ZDHHC7: variants seen among roughly 807,000 people sequenced by gnomAD.
ZDHHC7 encodes zDHHC palmitoyltransferase 7.
In ZDHHC7, 12 loss-of-function variants were observed where a neutral mutation model predicts 34.1. The ratio of observed to expected loss-of-function variants is 0.35; its 90% confidence interval spans 0.23 to 0.57. The LOEUF (loss-of-function observed/expected upper bound fraction) is 0.57, where lower values mean the gene tolerates loss of function less well. ZDHHC7 is among the 20% of genes least tolerant of loss of function. ZDHHC7 has a pLI of 0.84. For synonymous variants in ZDHHC7, 185 were observed against 155.4 expected, an observed-to-expected ratio of 1.19 and a Z score of -1.42; for missense variants, 388 against 402.7, an observed-to-expected ratio of 0.96 and a Z score of 0.31.
rs200273417 is a variant in ZDHHC7 at position 85,007,713 on chromosome 16, G to A, written c.-104+3573C>T. ...TTTTAGTTAAAAGGGAACTAAGGTT[G>A]AGAGCTCTCCCTGTGGCCTGTGTCT... On this transcript the variant is annotated intron_variant, in intron 1 of 7. Coordinates refer to ENST00000313732, the MANE Select transcript of ZDHHC7 (RefSeq NM_017740.3). Among the ~76,000 whole-genome samples the A allele has an allele frequency of 3.3e-5, 5 of 152,172 alleles. No individual in the cohort carries two copies. The East Asian group carries it at 9.6e-4, about 29-fold the overall frequency.
At chr16:85,027,195 T>C in the ZDHHC7 span, among the ~76,000 whole-genome samples, 1 of 152,262 alleles carries the variant, frequency 6.6e-6, no homozygotes, top group Non-Finnish European at 1.5e-5. Context: ...CTGATTGCTC[T>C]TCCATACCAA....
the ZDHHC7 span, among the ~76,000 whole-genome samples, chr16:85,024,516 C>T: frequency 6.6e-6 from 1 of 152,234 alleles, no homozygotes; most frequent in African/African-American, 2.4e-5. Flanking sequence ...AAGGCGTGAG[C>T]CACGGTGCCC....
upstream of ZDHHC7, among the ~76,000 whole-genome samples, chr16:85,013,673 ATTAAT>A (rs775383238): frequency 6.6e-6 from 1 of 151,484 alleles, no homozygotes; most frequent in Non-Finnish European, 1.5e-5. Context: ...TTTTTCTCTT[ATTAAT>A]TTGTGTTTTT....
upstream of ZDHHC7, among the ~76,000 whole-genome samples, chr16:85,015,160 C>T (rs1362071587): frequency 2.7e-5 from 4 of 150,320 alleles, no homozygotes; most frequent in Non-Finnish European, 5.9e-5. Context: ...AGTGCAATGT[C>T]GCAATCTCAG....
the ZDHHC7 span, among the ~76,000 whole-genome samples, chr16:85,019,059 G>C: frequency 6.6e-6 from 1 of 152,130 alleles, no homozygotes; most frequent in Non-Finnish European, 1.5e-5. Flanking sequence ...GCCTTGTGTG[G>C]GCCACTCACT....
intron 2 of ZDHHC7, among the ~76,000 whole-genome samples, chr16:84,995,551 G>C (rs1205006162): frequency 6.6e-6 from 1 of 152,144 alleles, no homozygotes; most frequent in Non-Finnish European, 1.5e-5. Context: ...ACTTGAACCT[G>C]GGAGACAGAG....
At chr16:85,013,722 ACT>A (rs2072822630), upstream of ZDHHC7, among the ~76,000 whole-genome samples, 1 of 150,276 alleles carries the variant, frequency 6.7e-6, no homozygotes, top group Non-Finnish European at 1.5e-5. Flanking sequence ...AGACTCTCGC[ACT>A]GTTTCCCAGG....
chr16:84,977,325 C>T, intron 6 of ZDHHC7, 100 bp from the exon 7 acceptor site: 2 of 1,451,240 alleles, frequency 1.4e-6, no homozygotes, highest in Non-Finnish European at 1.9e-6. Context: ...CCCTGGCCAG[C>T]TTCCAGGGGG....
chr16:84,983,831 C>T (rs1271509460), intron 3 of ZDHHC7, among the ~76,000 whole-genome samples: 1 of 151,694 alleles, frequency 6.6e-6, no homozygotes, highest in African/African-American at 2.4e-5. Context: ...GAAACCCCAT[C>T]TCTACTAAAA....
upstream of ZDHHC7, among the ~76,000 whole-genome samples, chr16:85,016,043 T>C (rs570211284): frequency 1.4e-3 from 215 of 152,212 alleles, 2 homozygotes; most frequent in African/African-American, 4.9e-3. Flanking sequence ...TTATATATAG[T>C]GAGGCATTTC....
intron 4 of ZDHHC7, among the ~76,000 whole-genome samples, chr16:84,980,817 A>G (rs1300594197): frequency 2.0e-5 from 3 of 152,164 alleles, no homozygotes; most frequent in Non-Finnish European, 4.4e-5. Flanking sequence ...CTCACCCCAT[A>G]TGCAGTCACT....
chr16:84,977,370 T>G, intron 6 of ZDHHC7, 145 bp from the exon 7 acceptor site: 1 of 1,072,446 alleles, frequency 9.3e-7, no homozygotes. Flanking sequence ...ACATTCATTG[T>G]TCTCCAAGGA....
intron 2 of ZDHHC7, among the ~76,000 whole-genome samples, chr16:84,995,484 G>C (rs1282054646): frequency 1.3e-5 from 2 of 152,110 alleles, no homozygotes; most frequent in African/African-American, 2.4e-5. Flanking sequence ...AAATTAGCCG[G>C]GCATGATGGC....
chr16:85,025,225 T>C, the ZDHHC7 span, among the ~76,000 whole-genome samples: 1 of 151,464 alleles, frequency 6.6e-6, no homozygotes, highest in African/African-American at 2.4e-5. Context: ...TTGCTGAGAT[T>C]GCGTCACTGC....
Position 84,980,837 on chromosome 16 carries a change from T to C in ZDHHC7, c.440+1033A>G, listed in dbSNP as rs75294635. ...CCCATATGCAGTCACTGCCTATTTC[T>C]AACCCCAGCCCAAAACAGCCACCCA... is the stretch of plus-strand genomic sequence containing the variant. On this transcript the variant is annotated intron_variant, in intron 4 of 7. Transcript: ENST00000313732. 5.1e-3 allele frequency among the ~76,000 whole-genome samples: 770 copies of C among 152,314 alleles called. 7 individuals are homozygous for C. The highest frequency in any genetic ancestry group is 0.018 in the African/African-American group (739 of 41,578).
intron 2 of ZDHHC7, among the ~76,000 whole-genome samples, chr16:84,995,051 T>A (rs1005407578): frequency 6.6e-6 from 1 of 152,174 alleles, no homozygotes; most frequent in Non-Finnish European, 1.5e-5. Flanking sequence ...AATGTACACA[T>A]TCCTTAGGAG....
At chr16:85,015,851 A>G (rs1666197529), upstream of ZDHHC7, among the ~76,000 whole-genome samples, 1 of 152,124 alleles carries the variant, frequency 6.6e-6, no homozygotes, top group Admixed American at 6.5e-5. Flanking sequence ...AAAAAAAAGA[A>G]AAAGAAAAAG....
At chr16:84,989,507 T>C (rs749653811) in intron 3 of ZDHHC7, among the ~76,000 whole-genome samples, 1 of 151,816 alleles carries the variant, frequency 6.6e-6, no homozygotes, top group African/African-American at 2.4e-5. Flanking sequence ...ACCAGCCTGA[T>C]CAACATGGTG....
intron 3 of ZDHHC7, among the ~76,000 whole-genome samples, chr16:84,982,558 C>A (rs1485063058): frequency 2.0e-5 from 3 of 152,228 alleles, no homozygotes; most frequent in East Asian, 1.9e-4. Flanking sequence ...CTGATAAGCA[C>A]TGCCCAGAGT....
Sources: allele counts gnomAD v4.1 joint callset (sites outside exome capture counted in the v4.1 genomes callset), GRCh38; gene constraint gnomAD v4.1.1; transcripts MANE v1.5; gene names NCBI Gene and HGNC (gene_info 2026-07-23, HGNC 2026-07-21).